Variants in AKT3 observed in about 807,000 individuals in gnomAD.
AKT3 encodes the protein RAC-gamma serine/threonine-protein kinase.
Under a neutral mutation model 65.3 loss-of-function variants are expected in AKT3, and 15 were observed. The observed-to-expected ratio is 0.23, with a 90% CI of 0.15 to 0.35. The LOEUF is 0.35. AKT3 is among the 10% of genes least tolerant of loss of function. The probability of loss-of-function intolerance (pLI) is 1.00; values close to 1 mark genes in which losing one functional copy is unlikely to be tolerated. For missense variants in AKT3, 243 were observed against 576.5 expected (o/e 0.42, Z 5.92); for synonymous variants, 206 against 183.8 (o/e 1.12, Z -0.98).
At chr1:243,566,083 A>G (rs1413127011) in intron 9 of AKT3, among the ~76,000 whole-genome samples, 1 of 152,220 alleles carries the variant, frequency 6.6e-6, no homozygotes, top group African/African-American at 2.4e-5. Flanking sequence ...TCATGGAAAC[A>G]TGACAGACAG....
intron 3 of AKT3, among the ~76,000 whole-genome samples, chr1:243,695,141 A>G (rs188868): frequency 0.05 from 7,666 of 152,000 alleles, 654 homozygotes; most frequent in African/African-American, 0.17. Flanking sequence ...GAAAAATTTA[A>G]CTACGAACAT....
At chr1:243,844,012 T>G (rs1253327084) in intron 1 of AKT3, among the ~76,000 whole-genome samples, 1 of 152,188 alleles carries the variant, frequency 6.6e-6, no homozygotes, top group Non-Finnish European at 1.5e-5. Context: ...GTATTCTTAC[T>G]CTGCCTGTTC....
intron 2 of AKT3, among the ~76,000 whole-genome samples, chr1:243,715,283 C>T (rs1027117184): frequency 2.0e-4 from 30 of 152,086 alleles, no homozygotes; most frequent in African/African-American, 7.0e-4. Context: ...CAGAAATAAA[C>T]TTGGTCACCC....
At chr1:243,683,737 T>C (rs1362066094) in intron 3 of AKT3, among the ~76,000 whole-genome samples, 1 of 152,144 alleles carries the variant, frequency 6.6e-6, no homozygotes, top group Admixed American at 6.6e-5. Flanking sequence ...TGGAATCTCT[T>C]CTATGTCCTC....
At chr1:243,652,724 G>A (rs969924340) in intron 4 of AKT3, among the ~76,000 whole-genome samples, 9 of 134,020 alleles carry the variant, frequency 6.7e-5, no homozygotes, top group Non-Finnish European at 1.4e-4. Flanking sequence ...GACACACACA[G>A]GCTCAAAATA....
intron 4 of AKT3, among the ~76,000 whole-genome samples, chr1:243,647,488 G>GT (rs1281136092): frequency 1.3e-5 from 2 of 152,128 alleles, no homozygotes; most frequent in Admixed American, 6.5e-5. Flanking sequence ...TTCTCAAAAC[G>GT]TATCACTGTC....
In AKT3 at chr1:243,611,749, A is replaced by G. The variant is rs1407477998; in HGVS notation, c.696+1922T>C. 2.0e-5 allele frequency among the ~76,000 whole-genome samples: 3 copies of G among 151,842 alleles called. No homozygotes were observed. The East Asian group carries it at 5.8e-4, about 29-fold the overall frequency. On this transcript the variant is annotated intron_variant, in intron 8 of 13. Transcript: ENST00000673466. ...CCATTTTCTTCGTATTTTCTCAGAC[A>G]TCTTACTGCAAGGGCCCAGTTCTGT...
At chr1:243,572,780 A>T (rs989813157) in intron 9 of AKT3, 146 bp downstream of exon 9, 17 of 879,856 alleles carry the variant, frequency 1.9e-5, no homozygotes, top group African/African-American at 3.4e-5. Context: ...ATTTCCTTCA[A>T]ATGTAGTGAA....
intron 6 of AKT3, among the ~76,000 whole-genome samples, chr1:243,619,258 C>A (rs890145947): frequency 6.6e-6 from 1 of 152,058 alleles, no homozygotes; most frequent in South Asian, 2.1e-4. Context: ...TATACATTTT[C>A]GGGGTACATG....
chr1:243,562,546 T>C (rs1490251860), intron 10 of AKT3, among the ~76,000 whole-genome samples: 1 of 152,162 alleles, frequency 6.6e-6, no homozygotes, highest in African/African-American at 2.4e-5. Flanking sequence ...GTTTACTAGG[T>C]GGAAACAAAG....
chr1:243,528,966 T>C (rs1021635863), intron 12 of AKT3, among the ~76,000 whole-genome samples: 5 of 152,308 alleles, frequency 3.3e-5, no homozygotes, highest in African/African-American at 1.2e-4. Context: ...TAGCATCTGT[T>C]ATTTTTTGAC....
At chr1:243,805,792 T>C (rs950013297) in intron 2 of AKT3, among the ~76,000 whole-genome samples, 3 of 152,210 alleles carry the variant, frequency 2.0e-5, no homozygotes, top group African/African-American at 7.2e-5. Context: ...GTTAGTAAAG[T>C]GTGTGTTTCT....
intron 10 of AKT3, among the ~76,000 whole-genome samples, chr1:243,559,707 G>T (rs894165626): frequency 6.6e-6 from 1 of 152,092 alleles, no homozygotes; most frequent in African/African-American, 2.4e-5. Context: ...TGAAGTATAG[G>T]TTGCAGCAAG....
chr1:243,694,642 C>T (rs1485746856), intron 3 of AKT3, among the ~76,000 whole-genome samples: 1 of 151,690 alleles, frequency 6.6e-6, no homozygotes, highest in Non-Finnish European at 1.5e-5. Flanking sequence ...TTCTAACCCA[C>T]TAATAAGGGC....
chr1:243,730,464 T>C (rs745670126), intron 2 of AKT3, among the ~76,000 whole-genome samples: 3 of 152,178 alleles, frequency 2.0e-5, no homozygotes, highest in South Asian at 2.1e-4. Flanking sequence ...CACCAAACTG[T>C]GGTGGTGACA....
At chr1:243,489,576 G>A (rs1282048268) in intron 13 of AKT3, among the ~76,000 whole-genome samples, 1 of 152,218 alleles carries the variant, frequency 6.6e-6, no homozygotes, top group Non-Finnish European at 1.5e-5. Context: ...TTGAATGGAA[G>A]GCAGGCATCT....
In AKT3 at chr1:243,530,828, G is replaced by C. The variant is rs113746752; in HGVS notation, c.1251+14682C>G. On this transcript the variant is annotated intron_variant, in intron 12 of 13. Transcript: ENST00000673466. ...TAAACACAATCAGAAATGACAAAGG[G>C]GTCATTACTACTCTTCAATTTTCTT... is the stretch of plus-strand genomic sequence containing the variant. Among the ~76,000 whole-genome samples, 506 of 151,990 alleles carry C rather than the reference G, an allele frequency of 3.3e-3. 6 individuals carry two copies. The highest frequency in any genetic ancestry group is 0.012 in the African/African-American group (486 of 41,456).
intron 4 of AKT3, among the ~76,000 whole-genome samples, chr1:243,662,912 A>G (rs1682481177): frequency 6.6e-6 from 1 of 152,234 alleles, no homozygotes; most frequent in Non-Finnish European, 1.5e-5. Context: ...ATATTATTAC[A>G]GGAACAGCAG....
At chr1:243,839,061 C>G (rs965381931) in intron 2 of AKT3, among the ~76,000 whole-genome samples, 2 of 152,102 alleles carry the variant, frequency 1.3e-5, no homozygotes, top group African/African-American at 4.8e-5. Flanking sequence ...AAGGAACTAG[C>G]TTTCCACATT....
Sources: allele counts gnomAD v4.1 joint callset (sites outside exome capture counted in the v4.1 genomes callset), GRCh38; gene constraint gnomAD v4.1.1; transcripts MANE v1.5; gene names NCBI Gene and HGNC (gene_info 2026-07-23, HGNC 2026-07-21).